Variants in MAGI2 observed in about 807,000 individuals in gnomAD.
MAGI2 encodes the protein membrane-associated guanylate kinase, WW and PDZ domain-containing protein 2.
A neutral mutation model predicts 133.3 loss-of-function variants in MAGI2; 35 were observed. The observed-to-expected ratio is 0.26, with a 90% confidence interval of 0.20 to 0.35. The LOEUF (loss-of-function observed/expected upper bound fraction) is 0.35, where lower values mean the gene tolerates loss of function less well. Among genes scored for constraint, MAGI2 ranks in the 10% least tolerant of loss-of-function variants. The pLI, the probability that MAGI2 is intolerant of heterozygous loss-of-function variation, is 1.00. For synonymous variants in MAGI2, 729 were observed against 710.6 expected (o/e 1.03, Z -0.41); for missense variants, 1,636 against 1,863.4 (o/e 0.88, Z 2.25).
chr7:78,690,654 C>T (rs770980519), intron 2 of MAGI2, among the ~76,000 whole-genome samples: 1 of 152,162 alleles, frequency 6.6e-6, no homozygotes, highest in Non-Finnish European at 1.5e-5. Flanking sequence ...TGTTTTGTTT[C>T]TACTCAGGGC....
chr7:79,321,011 C>A (rs1839141441), intron 1 of MAGI2, among the ~76,000 whole-genome samples: 1 of 152,186 alleles, frequency 6.6e-6, no homozygotes, highest in South Asian at 2.1e-4. Flanking sequence ...GGGCAGATTA[C>A]CAACTGCTGT....
At chr7:78,963,100 G>A (rs1039055302) in intron 2 of MAGI2, among the ~76,000 whole-genome samples, 1 of 151,916 alleles carries the variant, frequency 6.6e-6, no homozygotes, top group African/African-American at 2.4e-5. Context: ...ATGAGTTATG[G>A]ATTATTCACC....
At chr7:78,819,107 G>A (rs1453415365) in intron 2 of MAGI2, among the ~76,000 whole-genome samples, 3 of 152,066 alleles carry the variant, frequency 2.0e-5, no homozygotes, top group Non-Finnish European at 4.4e-5. Flanking sequence ...AGCCACCAGA[G>A]ACCCACATAC....
At chr7:78,183,064 C>T (rs1472472121) in intron 13 of MAGI2, among the ~76,000 whole-genome samples, 1 of 152,124 alleles carries the variant, frequency 6.6e-6, no homozygotes, top group Non-Finnish European at 1.5e-5. Flanking sequence ...CACTTAGTTT[C>T]ATAAATATGT....
chr7:79,007,919 C>A (rs1253501349), intron 1 of MAGI2, among the ~76,000 whole-genome samples: 1 of 150,808 alleles, frequency 6.6e-6, no homozygotes, highest in South Asian at 2.1e-4. Context: ...TTTTTCAATT[C>A]AAACAATTTT....
chr7:79,379,013 A>C (rs903780421), intron 1 of MAGI2, among the ~76,000 whole-genome samples: 8 of 146,658 alleles, frequency 5.5e-5, no homozygotes, highest in Non-Finnish European at 1.2e-4. Flanking sequence ...CACAACACGC[A>C]GGTTTGTTAC....
intron 9 of MAGI2, among the ~76,000 whole-genome samples, chr7:78,281,207 T>C (rs1330363432): frequency 6.6e-6 from 1 of 152,184 alleles, no homozygotes; most frequent in East Asian, 1.9e-4. Context: ...TTTGTTGTTA[T>C]TCATTCATGA....
chr7:78,623,351 T>C (rs1345180696), intron 3 of MAGI2, among the ~76,000 whole-genome samples: 2 of 152,056 alleles, frequency 1.3e-5, no homozygotes, highest in Non-Finnish European at 2.9e-5. Context: ...TGCAAACTAA[T>C]GAATGTTACT....
At chr7:78,996,602 C>G (rs1004224740) in intron 2 of MAGI2, among the ~76,000 whole-genome samples, 1 of 152,114 alleles carries the variant, frequency 6.6e-6, no homozygotes, top group African/African-American at 2.4e-5. Flanking sequence ...GTACAACAAA[C>G]CCCCATGATA....
At chr7:79,407,668 T>G (rs976058435) in intron 1 of MAGI2, among the ~76,000 whole-genome samples, 9 of 152,140 alleles carry the variant, frequency 5.9e-5, no homozygotes, top group African/African-American at 2.2e-4. Context: ...AATCAAAACT[T>G]AGTTTTGTTA....
intron 6 of MAGI2, among the ~76,000 whole-genome samples, chr7:78,412,694 A>C (rs1363886121): frequency 6.6e-6 from 1 of 152,080 alleles, no homozygotes; most frequent in African/African-American, 2.4e-5. Context: ...ACATTAGGTT[A>C]GGCAACCATC....
intron 1 of MAGI2, among the ~76,000 whole-genome samples, chr7:79,223,106 C>T (rs1456158023): frequency 2.0e-5 from 3 of 151,930 alleles, no homozygotes; most frequent in Admixed American, 6.5e-5. Flanking sequence ...AGGATGGTCT[C>T]GATCTCCTGA....
At chr7:78,298,611 C>A (rs569608199) in intron 9 of MAGI2, among the ~76,000 whole-genome samples, 20 of 152,280 alleles carry the variant, frequency 1.3e-4, no homozygotes, top group African/African-American at 4.8e-4. Context: ...TCAAACAACT[C>A]TTGTGCCTCA....
At chr7:78,976,124 C>T (rs912588079) in intron 2 of MAGI2, among the ~76,000 whole-genome samples, 31 of 151,314 alleles carry the variant, frequency 2.0e-4, no homozygotes, top group African/African-American at 5.1e-4. Context: ...GAAGGCGTTA[C>T]GAGAAAAGAA....
At chr7:78,849,136 A>T (rs533269784) in intron 2 of MAGI2, among the ~76,000 whole-genome samples, 1 of 152,210 alleles carries the variant, frequency 6.6e-6, no homozygotes, top group Admixed American at 6.6e-5. Context: ...AACTTCCTAC[A>T]CATAAGAGAC....
intron 2 of MAGI2, among the ~76,000 whole-genome samples, chr7:78,691,149 T>C (rs754235055): frequency 6.6e-6 from 1 of 152,224 alleles, no homozygotes; most frequent in African/African-American, 2.4e-5. Flanking sequence ...ATAACCTTTA[T>C]TCCTTTTTGA....
intron 1 of MAGI2, among the ~76,000 whole-genome samples, chr7:79,104,952 A>C (rs1297008843): frequency 6.6e-6 from 1 of 152,194 alleles, no homozygotes; most frequent in African/African-American, 2.4e-5. Flanking sequence ...CCTGTCTTTT[A>C]AATCCTTGAA....
chr7:79,077,817 T>C (rs931126967), intron 1 of MAGI2, among the ~76,000 whole-genome samples: 2 of 152,084 alleles, frequency 1.3e-5, no homozygotes, highest in African/African-American at 4.8e-5. Flanking sequence ...ATGTACTGTA[T>C]AGTACACTAT....
At chr7:78,703,154 G>A (rs1818250384) in intron 2 of MAGI2, among the ~76,000 whole-genome samples, 1 of 151,920 alleles carries the variant, frequency 6.6e-6, no homozygotes, top group Non-Finnish European at 1.5e-5. Context: ...AAATCCCAGA[G>A]CCAAAGAAAA....
Sources: gnomAD v4.1 joint callset for allele counts (sites outside exome capture counted in the v4.1 genomes callset) on GRCh38, gnomAD v4.1.1 for gene constraint, MANE v1.5 for transcripts, NCBI Gene and HGNC (gene_info 2026-07-23, HGNC 2026-07-21) for gene names.